Variants in TRABD2A observed in about 807,000 individuals in gnomAD.
The protein encoded by TRABD2A is metalloprotease TIKI1.
A neutral mutation model predicts 45.6 loss-of-function variants in TRABD2A; 43 were observed. That is an observed-to-expected ratio of 0.94 (90% CI 0.74 to 1.22). The LOEUF is 1.22. TRABD2A is among the 50% of genes most tolerant of loss of function. TRABD2A has a pLI of 0.00. For synonymous variants in TRABD2A, 269 were observed against 265.0 expected (o/e 1.02, Z -0.15); for missense variants, 642 against 652.4 (o/e 0.98, Z 0.17).
chr2:84,833,757 C>G (rs1009402182), intron 4 of TRABD2A: 4 of 151,096 alleles, frequency 2.6e-5, no homozygotes, highest in African/African-American at 4.8e-5. Flanking sequence ...GGGCTCACAG[C>G]CCCTGGGCAC....
At position 84,862,762 on chromosome 2, in the gene TRABD2A, A is replaced by T. The variant is rs141334242; in HGVS notation, c.669+7463T>A. ...GTGCTTAAGAAATGTGTCCCAAATA[A>T]AAAGGGGCCATAAAATGAAAGACAG... On this transcript the variant is annotated intron_variant, in intron 2 of 6. Coordinates refer to ENST00000409520, the MANE Select transcript of TRABD2A (RefSeq NM_001277053.2). 2.7e-3 allele frequency among the ~76,000 whole-genome samples: 408 copies of T among 152,228 alleles called. 2 individuals are homozygous for T. The highest frequency in any genetic ancestry group is 9.1e-3 in the African/African-American group (380 of 41,538).
chr2:84,825,916 A>T (rs991366542), intron 5 of TRABD2A, among the ~76,000 whole-genome samples: 6 of 152,128 alleles, frequency 3.9e-5, no homozygotes, highest in African/African-American at 1.2e-4. Flanking sequence ...ATACCTGATG[A>T]TATGAGGTGG....
chr2:84,838,245 G>A (rs1016139005), intron 4 of TRABD2A: 1 of 717,370 alleles, frequency 1.4e-6, no homozygotes, highest in Non-Finnish European at 2.6e-6. Flanking sequence ...TGTGAAGCTG[G>A]GAAAAGGGAG....
intron 6 of TRABD2A, among the ~76,000 whole-genome samples, chr2:84,823,243 C>T (rs1007850086): frequency 6.6e-5 from 10 of 152,200 alleles, no homozygotes; most frequent in Non-Finnish European, 1.0e-4. Flanking sequence ...CAAACACACA[C>T]ACCCACAGCA....
At position 84,822,018 on chromosome 2, in the gene TRABD2A, G is replaced by A. The variant is rs1427938981; in HGVS notation, c.1417C>T (p.His473Tyr). ...CTGCTGGCCACCATCTGGCTGTGGT[G>A]GGAATGCCCACGGCGAGGGAGCCGC... ...ELRLPRRGHS[H>Y]HSQMVASSAC... Residue 473 changes from histidine to tyrosine, a missense_variant, in exon 7 of 7, where the codon CAC becomes TAC. Physicochemically the swap from His to Tyr is moderately conservative, Grantham distance 83 (BLOSUM62 2). Coordinates refer to ENST00000409520, the MANE Select transcript of TRABD2A (RefSeq NM_001277053.2). 1 of 1,597,100 alleles carries A rather than the reference G, an allele frequency of 6.3e-7. No individual in the cohort carries two copies. Among genetic ancestry groups the A allele is most frequent in the Admixed American group, 1.7e-5 (1 of 57,362 alleles).
chr2:84,829,385 CA>C (rs1681245526), intron 5 of TRABD2A, among the ~76,000 whole-genome samples: 1 of 147,338 alleles, frequency 6.8e-6, no homozygotes, highest in Admixed American at 6.8e-5. Context: ...CACACACACA[CA>C]CACACACACA....
chr2:84,831,133 G>A (rs1419195926), intron 5 of TRABD2A, among the ~76,000 whole-genome samples: 1 of 152,004 alleles, frequency 6.6e-6, no homozygotes, highest in East Asian at 1.9e-4. Flanking sequence ...TTCACATGAG[G>A]GCCCTAGTCC....
intron 2 of TRABD2A, among the ~76,000 whole-genome samples, chr2:84,863,401 C>A (rs1203082345): frequency 1.3e-5 from 2 of 151,062 alleles, no homozygotes; most frequent in Admixed American, 6.6e-5. Flanking sequence ...CCAGCCATCA[C>A]GCCCGGCTAA....
At position 84,881,065 on chromosome 2, in the gene TRABD2A, G is replaced by T. The variant is rs769308980; in HGVS notation, c.-26C>A. ...CCTCCTCAAGGCGGCTCCGAGGCCC[G>T]GAACGCGGAGGGAAGGAGTAGGGCA... is the stretch of plus-strand genomic sequence containing the variant. On this transcript the variant is annotated 5_prime_UTR_variant, in exon 1 of 7. Transcript: ENST00000409520. The T allele has an allele frequency of 1.9e-5, 30 of 1,561,814 alleles. No homozygotes were observed. Among genetic ancestry groups the T allele is most frequent in the Non-Finnish European group, 1.2e-5 (14 of 1,155,486 alleles).
rs533023140 is a variant in TRABD2A at position 84,830,530 on chromosome 2, G to A, written c.1082+1525C>T. 2.0e-5 allele frequency among the ~76,000 whole-genome samples: 3 copies of A among 152,334 alleles called. No homozygotes were observed. Among genetic ancestry groups the A allele is most frequent in the Non-Finnish European group, 4.4e-5 (3 of 68,040 alleles). ...CAGAAGGGCGAAGAGTGAACCAGAGGGAGAAGGGCCTGGAAGGGGGCGGTG... is the reference window on the plus strand; with the variant it reads ...CAGAAGGGCGAAGAGTGAACCAGAGAGAGAAGGGCCTGGAAGGGGGCGGTG... On this transcript the variant is annotated intron_variant, in intron 5 of 6. Transcript: ENST00000409520. The surrounding 1 kb of genome is among the most constrained non-coding windows in gnomAD (Gnocchi z 4.9).
At chr2:84,852,378 G>A (rs1471357499) in intron 2 of TRABD2A, among the ~76,000 whole-genome samples, 2 of 152,200 alleles carry the variant, frequency 1.3e-5, no homozygotes, top group Non-Finnish European at 2.9e-5. Context: ...TGCGGTGGGG[G>A]ATGGTTGCCA....
chr2:84,850,555 G>A (rs933119566), intron 2 of TRABD2A, among the ~76,000 whole-genome samples: 5 of 152,096 alleles, frequency 3.3e-5, no homozygotes, highest in Admixed American at 6.6e-5. Context: ...GGGTCAAGGT[G>A]GAGGCCCCAG....
At chr2:84,878,001 G>A (rs946664778) in intron 1 of TRABD2A, among the ~76,000 whole-genome samples, 8 of 152,162 alleles carry the variant, frequency 5.3e-5, no homozygotes, top group Non-Finnish European at 5.9e-5. Flanking sequence ...GATGACATAG[G>A]GGAAGGGGCA....
At chr2:84,858,089 G>A (rs1488945705) in intron 2 of TRABD2A, among the ~76,000 whole-genome samples, 1 of 151,932 alleles carries the variant, frequency 6.6e-6, no homozygotes, top group African/African-American at 2.4e-5. Context: ...TACCCAGGCT[G>A]GTCTTGAACT....
chr2:84,844,158 C>A (rs1681806066), intron 2 of TRABD2A, among the ~76,000 whole-genome samples: 1 of 152,168 alleles, frequency 6.6e-6, no homozygotes, highest in Non-Finnish European at 1.5e-5. Context: ...TCTGCTTGGT[C>A]ATGCGGTGAT....
In TRABD2A at chr2:84,841,910, T is replaced by G; in HGVS notation, c.767A>C (p.Tyr256Ser). The G allele has an allele frequency of 6.5e-7, 1 of 1,548,424 alleles. No individual in the cohort carries two copies. The highest frequency in any genetic ancestry group is 8.7e-7 in the Non-Finnish European group (1 of 1,146,362). ...GACGGAGCTGAGGTCCCCGCAGTTA[T>G]AGTGTTTGATGAGATCCTCCGTCGT... ...PYTTEDLIKH[Y>S]NCGDLSSVIL... Residue 256 changes from tyrosine to serine, a missense_variant, in exon 3 of 7, where the codon TAT becomes TCT. Tyr to Ser is a moderately radical substitution (Grantham distance 144). Transcript: ENST00000409520.
chr2:84,860,352 G>C (rs1336243385), intron 2 of TRABD2A, among the ~76,000 whole-genome samples: 1 of 152,134 alleles, frequency 6.6e-6, no homozygotes, highest in African/African-American at 2.4e-5. Flanking sequence ...CAGTATGACT[G>C]GTGTCCATAT....
At chr2:84,852,593 G>A (rs1324668642) in intron 2 of TRABD2A, among the ~76,000 whole-genome samples, 1 of 152,168 alleles carries the variant, frequency 6.6e-6, no homozygotes, top group Non-Finnish European at 1.5e-5. Context: ...CTGTTGGCAG[G>A]GTGGAGGAGG....
intron 1 of TRABD2A, among the ~76,000 whole-genome samples, chr2:84,877,555 T>C (rs892965656): frequency 2.0e-5 from 3 of 152,072 alleles, no homozygotes; most frequent in Non-Finnish European, 4.4e-5. Flanking sequence ...CAATGAGCTA[T>C]GATCACGACA....
Sources: allele counts gnomAD v4.1 joint callset (sites outside exome capture counted in the v4.1 genomes callset), GRCh38; gene constraint gnomAD v4.1.1; non-coding constraint Gnocchi (gnomAD v3.1); transcripts MANE v1.5; gene names NCBI Gene and HGNC (gene_info 2026-07-23, HGNC 2026-07-21).